Variants in TMEM114 observed in about 807,000 individuals in gnomAD.
TMEM114 encodes transmembrane protein 114.
TMEM114 carries 6 observed loss-of-function variants against 6.2 expected under a neutral mutation model. The ratio of observed to expected loss-of-function variants is 0.97; its 90% CI spans 0.53 to 1.91. The LOEUF (loss-of-function observed/expected upper bound fraction) is 1.91, where lower values mean the gene tolerates loss of function less well. TMEM114 is among the 40% of genes most tolerant of loss of function. The pLI is 0.01. For missense variants in TMEM114, 218 were observed against 158.3 expected (o/e 1.38, Z -2.02); for synonymous variants, 104 against 73.0 (o/e 1.42, Z -2.16).
chr16:8,562,224 G>GTGAATGAGTGACTGAGTAAA (rs1567202085), intron 2 of TMEM114, among the ~76,000 whole-genome samples: 2 of 139,362 alleles, frequency 1.4e-5, no homozygotes, highest in African/African-American at 5.3e-5. Flanking sequence ...GAGTAAATGA[G>GTGAATGAGTGACTGAGTAAA]TGAGTGAGTG....
downstream of TMEM114, among the ~76,000 whole-genome samples, chr16:8,567,941 A>C (rs551651586): frequency 6.6e-6 from 1 of 152,312 alleles, no homozygotes; most frequent in Non-Finnish European, 1.5e-5. Flanking sequence ...CCATGTGAGT[A>C]ACCCACTCCT....
chr16:8,564,278 T>G (rs1901433290), intron 2 of TMEM114, among the ~76,000 whole-genome samples: 1 of 136,598 alleles, frequency 7.3e-6, no homozygotes, highest in Non-Finnish European at 1.6e-5. Flanking sequence ...AATAAGTGAA[T>G]GAGTGATGAA....
chr16:8,589,138 C>T (rs985101463), intron 2 of TMEM114, 75 bp downstream of exon 2: 2 of 398,168 alleles, frequency 5.0e-6, no homozygotes, highest in East Asian at 3.6e-5. Flanking sequence ...CGAAGCCCGG[C>T]TGTTTTGGGA....
intron 2 of TMEM114, among the ~76,000 whole-genome samples, chr16:8,563,229 A>ATGAGTGAGTGAATGAGTCAG (rs1901346095): frequency 6.7e-6 from 1 of 148,702 alleles, no homozygotes; most frequent in Admixed American, 6.7e-5. Context: ...AAGTAAGTGA[A>ATGAGTGAGTGAATGAGTCAG]TGAGTGAGTG....
At chr16:8,529,729 T>TAA in the TMEM114 span, among the ~76,000 whole-genome samples, 2,258 of 135,724 alleles carry the variant, frequency 0.017, 43 homozygotes, top group African/African-American at 0.054. Context: ...AAAGAAAACT[T>TAA]AAAAAAAAAA....
downstream of TMEM114, among the ~76,000 whole-genome samples, chr16:8,532,896 C>T (rs979207245): frequency 6.6e-6 from 1 of 152,076 alleles, no homozygotes; most frequent in Non-Finnish European, 1.5e-5. Flanking sequence ...TGCACTCCAG[C>T]CTGGGTGACA....
intron 2 of TMEM114, among the ~76,000 whole-genome samples, chr16:8,560,660 T>C (rs1901169346): frequency 6.6e-6 from 1 of 152,108 alleles, no homozygotes; most frequent in Non-Finnish European, 1.5e-5. Context: ...CCAGAGCAAG[T>C]CTTCTCCTTC....
At chr16:8,560,199 TG>T (rs1901155250) in intron 2 of TMEM114, among the ~76,000 whole-genome samples, 1 of 151,998 alleles carries the variant, frequency 6.6e-6, no homozygotes, top group African/African-American at 2.4e-5. Flanking sequence ...GGTCTTGCTA[TG>T]TTGCTTAGGC....
intron 2 of TMEM114, among the ~76,000 whole-genome samples, chr16:8,557,136 T>C (rs1398579063): frequency 6.6e-6 from 1 of 152,198 alleles, no homozygotes; most frequent in African/African-American, 2.4e-5. Context: ...TGTTAGAATA[T>C]GACCTTGATA....
downstream of TMEM114, among the ~76,000 whole-genome samples, chr16:8,534,234 C>T (rs942035282): frequency 2.2e-4 from 34 of 152,182 alleles, no homozygotes; most frequent in African/African-American, 6.0e-4. Context: ...GACAAAACTG[C>T]AGACAATTAA....
chr16:8,572,335 A>C, intron 2 of TMEM114, 111 bp from the exon 3 acceptor site: 2 of 1,155,346 alleles, frequency 1.7e-6, no homozygotes. Context: ...CCACACTGTC[A>C]CTGCCCCTAC....
At chr16:8,550,460 G>C (rs9922783) in intron 2 of TMEM114, among the ~76,000 whole-genome samples, 68,441 of 151,880 alleles carry the variant, frequency 0.45, 16,124 homozygotes, top group Middle Eastern at 0.58. Flanking sequence ...GCGGGCGGAT[G>C]ATGAGGTCAG....
chr16:8,548,918 C>T lies in TMEM114; in HGVS notation n.213-11092G>A, dbSNP rs147353252. ...CATGATCTCGCCAGGCGCAGTGGCT[C>T]ATGCCTGTAATCCCAGCACTTTGGG... On this transcript the variant is annotated intron_variant and non_coding_transcript_variant, in intron 2 of 2. Coordinates refer to the TMEM114 transcript ENST00000623677. Among the ~76,000 whole-genome samples the T allele has an allele frequency of 5.4e-3, 821 of 152,202 alleles. 4 individuals carry two copies. The highest frequency in any genetic ancestry group is 0.019 in the African/African-American group (778 of 41,508).
chr16:8,553,754 T>C (rs1471227880), intron 2 of TMEM114, among the ~76,000 whole-genome samples: 1 of 152,092 alleles, frequency 6.6e-6, no homozygotes, highest in South Asian at 2.1e-4. Flanking sequence ...GTGCTGGGAT[T>C]ACAGGCGTGA....
At chr16:8,555,577 C>T (rs1467158530) in intron 2 of TMEM114, among the ~76,000 whole-genome samples, 1 of 152,138 alleles carries the variant, frequency 6.6e-6, no homozygotes, top group East Asian at 1.9e-4. Flanking sequence ...CTTTTGGTTC[C>T]TCGTCCCAGC....
intron 2 of TMEM114, among the ~76,000 whole-genome samples, chr16:8,560,881 A>G (rs1901176434): frequency 6.6e-6 from 1 of 152,234 alleles, no homozygotes; most frequent in South Asian, 2.1e-4. Context: ...TAAATTATAA[A>G]GAAAAAGAGA....
At chr16:8,586,167 G>A (rs1309726761) in intron 2 of TMEM114, among the ~76,000 whole-genome samples, 3 of 152,244 alleles carry the variant, frequency 2.0e-5, no homozygotes, top group Non-Finnish European at 2.9e-5. Context: ...ACCTCTAGAA[G>A]GAGGCTGGAA....
the TMEM114 span, among the ~76,000 whole-genome samples, chr16:8,532,471 G>A: frequency 0.13 from 20,039 of 152,136 alleles, 1,410 homozygotes; most frequent in African/African-American, 0.18. Flanking sequence ...GTCTGGGTGT[G>A]CTTGCCTCCC....
downstream of TMEM114, among the ~76,000 whole-genome samples, chr16:8,532,797 G>A (rs531358627): frequency 1.1e-4 from 16 of 151,992 alleles, no homozygotes; most frequent in East Asian, 7.8e-4. Flanking sequence ...AGTGGCGGGC[G>A]CCTGTAATCC....
Sources: gnomAD v4.1 joint callset for allele counts (sites outside exome capture counted in the v4.1 genomes callset) on GRCh38, gnomAD v4.1.1 for gene constraint, MANE v1.5 for transcripts, NCBI Gene and HGNC (gene_info 2026-07-23, HGNC 2026-07-21) for gene names.